The following DSP variants were observed in gnomAD, a reference collection of about 807,000 sequenced individuals.
DSP encodes the protein desmoplakin.
Under a neutral mutation model 290.6 loss-of-function variants are expected in DSP, and 114 were observed. The observed-to-expected ratio is 0.39, with a 90% CI of 0.34 to 0.46. DSP has a LOEUF of 0.46. DSP is among the 20% of genes least tolerant of loss of function. The pLI is 0.99. For synonymous variants in DSP, 1,311 were observed against 1,316.4 expected, an observed-to-expected ratio of 1.00 and a Z score of 0.09; for missense variants, 3,230 against 3,495.8, an observed-to-expected ratio of 0.92 and a Z score of 1.92.
At chr6:7,578,201 AAGAC>A (rs1759304632) in intron 21 of DSP, among the ~76,000 whole-genome samples, 1 of 152,252 alleles carries the variant, frequency 6.6e-6, no homozygotes, top group Non-Finnish European at 1.5e-5. Context: ...AAATTTCTAA[AAGAC>A]AGCCTCTTCT....
chr6:7,564,685 GTTC>G (rs1234035269), intron 6 of DSP, among the ~76,000 whole-genome samples: 1 of 152,136 alleles, frequency 6.6e-6, no homozygotes, highest in African/African-American at 2.4e-5. Flanking sequence ...TATTTGTAAT[GTTC>G]CCAACACACA....
chr6:7,554,731 A>G (rs1758454995), intron 1 of DSP, among the ~76,000 whole-genome samples: 1 of 152,198 alleles, frequency 6.6e-6, no homozygotes, highest in South Asian at 2.1e-4. Flanking sequence ...TGTAGCCTCC[A>G]ACTCGTGGGC....
At chr6:7,581,639 A>T (rs1213990577) in intron 23 of DSP, 70 bp downstream of exon 23, 58 of 1,593,192 alleles carry the variant, frequency 3.6e-5, no homozygotes, top group Non-Finnish European at 4.9e-5. Flanking sequence ...TCTCATCTGA[A>T]CTGTGCTCTT....
At chr6:7,561,452 G>T (rs2113663244) in intron 4 of DSP, among the ~76,000 whole-genome samples, 1 of 152,258 alleles carries the variant, frequency 6.6e-6, no homozygotes, top group Non-Finnish European at 1.5e-5. Flanking sequence ...GAGCTGCAGG[G>T]CCCAGCTGAT....
At position 7,585,524 on chromosome 6, in the gene DSP, G is replaced by T. The variant is rs187226788; in HGVS notation, c.8262G>T (p.Gly2754=). The T allele has an allele frequency of 4.3e-6, 7 of 1,614,074 alleles. No homozygotes were observed. The African/African-American group carries it at 5.3e-5, about 12-fold the overall frequency. Residue 2754 remains glycine, a synonymous_variant, in exon 24 of 24, where the codon GGG becomes GGT. Coordinates refer to ENST00000379802, the MANE Select transcript of DSP (RefSeq NM_004415.4). ...GCACCGAAGAAGCCATCCGGAAGGGGTTCATAGATGGCCGCGCCGCACAGA... is the reference window on the plus strand; with the variant it reads ...GCACCGAAGAAGCCATCCGGAAGGGTTTCATAGATGGCCGCGCCGCACAGA... ...RISTEEAIRK[G]FIDGRAAQRL...
Position 7,584,601 on chromosome 6 carries a change from A to G in DSP, c.7339A>G (p.Lys2447Glu), listed in dbSNP as rs1759567175. 2 of 1,614,030 alleles carry G rather than the reference A, an allele frequency of 1.2e-6. No homozygotes were observed. The highest frequency in any genetic ancestry group is 1.7e-6 in the Non-Finnish European group (2 of 1,179,926). Residue 2447 changes from lysine to glutamate, a missense_variant, in exon 24 of 24, where the codon AAA becomes GAA. By Grantham distance (56) the Lys-to-Glu change is moderately conservative (BLOSUM62 1). This residue lies in a region of DSP where 582 missense variants were observed against 555.4 expected (regional missense o/e 1.05). Coordinates refer to ENST00000379802, the MANE Select transcript of DSP (RefSeq NM_004415.4). The surrounding 1 kb of genome is among the most constrained non-coding windows in gnomAD (Gnocchi z 6.4). ...EETGLCLLPL[K>E]EKKKQVQTSQ... is the part of the protein sequence containing the mutation. The stretch of plus-strand genomic sequence containing the variant: ...AACAGGGCTCTGTCTTCTGCCTCTG[A>G]AAGAAAAGAAGAAACAGGTGCAGAC...
chr6:7,577,321 GTGTTTGTT>G (rs75247317), intron 20 of DSP, among the ~76,000 whole-genome samples: 2 of 151,830 alleles, frequency 1.3e-5, no homozygotes. Flanking sequence ...TTTAATAATG[GTGTTTGTT>G]TGTTTGTTTG....
rs528327406 is a variant in DSP at position 7,551,785 on chromosome 6, C to T, written c.171-3933C>T. Among the ~76,000 whole-genome samples, 8 of 152,308 alleles carry T rather than the reference C, an allele frequency of 5.3e-5. 1 individual carries two copies. The highest frequency in any genetic ancestry group is 4.1e-4 in the South Asian group (2 of 4,828). On this transcript the variant is annotated intron_variant, in intron 1 of 23. Coordinates refer to ENST00000379802, the MANE Select transcript of DSP (RefSeq NM_004415.4). ...GAACTTCCTCCCTGATTAAGTACAGCGAGTTCTGTGTGGATTCTTCATTGG... is the reference window on the plus strand; with the variant it reads ...GAACTTCCTCCCTGATTAAGTACAGTGAGTTCTGTGTGGATTCTTCATTGG...
In DSP at chr6:7,580,929, T is replaced by C; in HGVS notation, c.4739T>C (p.Leu1580Pro). 1 of 1,614,082 alleles carries C rather than the reference T, an allele frequency of 6.2e-7. No individual in the cohort carries two copies. The highest frequency in any genetic ancestry group is 1.3e-5 in the African/African-American group (1 of 75,024). The change falls in exon 23 of 24, where the codon CTG becomes CCG. Residue 1580 changes from leucine to proline, a missense_variant. Transcript: ENST00000379802. This position sits in a 1 kb window ranked among gnomAD's most constrained non-coding sequence, Gnocchi z 4.2. ...AAGGTGGAAGAGGAGCTGAATCGGC[T>C]GAAGAGGACCGCGTCAGAAGACTCC... ...KQKVEEELNR[L>P]KRTASEDSCK...
At chr6:7,542,890 A>C (rs2744389) in intron 1 of DSP, among the ~76,000 whole-genome samples, 26,693 of 149,732 alleles carry the variant, frequency 0.18, 2,553 homozygotes, top group Middle Eastern at 0.24. Context: ...CTTGGATCGC[A>C]GAGCGCCGGC....
rs1758605175 is a variant in DSP, at chr6:7,559,309, G to C, written c.506G>C (p.Gly169Ala). 6.2e-7 allele frequency: 1 copy of C among 1,613,986 alleles called. No homozygotes were observed. The highest frequency in any genetic ancestry group is 1.1e-5 in the South Asian group (1 of 91,068). The change falls in exon 4 of 24, where the codon GGT (glycine) becomes GCT (alanine). Residue 169 changes from glycine to alanine, a missense_variant. Around this residue, in one of 5 missense-constraint regions of DSP, gnomAD observed 646 missense variants for 684.3 expected, o/e 0.94. Transcript: ENST00000379802. ...PRVRRASSKG[G>A]GGYTCQSGSG... ...GTCCGCAGGGCCAGCTCCAAGGGTG[G>C]TGGAGGCTACACTTGTCAGAGTGGC...
intron 8 of DSP, 102 bp from the exon 9 acceptor site, chr6:7,567,252 A>G (rs1758889357): frequency 3.2e-6 from 3 of 940,420 alleles, no homozygotes; most frequent in Non-Finnish European, 5.2e-6. Flanking sequence ...AGAATGAGAT[A>G]AAAACTGCTT....
intron 1 of DSP, among the ~76,000 whole-genome samples, chr6:7,555,476 C>A (rs1758480295): frequency 6.6e-6 from 1 of 151,888 alleles, no homozygotes; most frequent in African/African-American, 2.4e-5. Context: ...GGTAGAAGGG[C>A]ATGGTTATTC....
At position 7,542,102 on chromosome 6, in the gene DSP, A is replaced by G. The variant is rs1172069097; in HGVS notation, c.170+17A>G. 4.5e-6 allele frequency: 7 copies of G among 1,553,562 alleles called. No homozygotes were observed. Among genetic ancestry groups the G allele is most frequent in the Non-Finnish European group, 6.1e-6 (7 of 1,148,736 alleles). ...CGGCTACTGGTGGGTACCTGCCCGG[A>G]GAGCGCGGGCTGCGGGGCTCGCGGG... On this transcript the variant is annotated intron_variant, in intron 1 of 23. Transcript: ENST00000379802.
In DSP at chr6:7,579,283, T is replaced by C. The variant is rs759450573; in HGVS notation, c.3093T>C (p.Asn1031=). Residue 1031 remains asparagine (N), a synonymous_variant, in exon 23 of 24, where the codon AAT becomes AAC. Coordinates refer to ENST00000379802, the MANE Select transcript of DSP (RefSeq NM_004415.4). The surrounding 1 kb of genome is among the most constrained non-coding windows in gnomAD (Gnocchi z 4.1). ...CTGATTTCATTCCACAGCTGAAAAA[T>C]ACCAAGATCGAAGTTTTGGAAGAGG... The part of the protein sequence containing the change: ...LKSLEDLKLK[N]TKIEVLEEEL... 9.9e-6 allele frequency: 16 copies of C among 1,613,916 alleles called. No homozygotes were observed. Among genetic ancestry groups the C allele is most frequent in the Non-Finnish European group, 1.3e-5 (15 of 1,180,006 alleles).
intron 15 of DSP, among the ~76,000 whole-genome samples, chr6:7,573,344 C>T (rs538318076): frequency 2.0e-5 from 3 of 151,962 alleles, no homozygotes; most frequent in Non-Finnish European, 4.4e-5. Context: ...TTTGGGAGGC[C>T]GAGGCGGGTG....
chr6:7,580,877 C>G lies in DSP; in HGVS notation c.4687C>G (p.Leu1563Val). The G allele has an allele frequency of 6.2e-7, 1 of 1,614,126 alleles. No individual in the cohort carries two copies. Among genetic ancestry groups the G allele is most frequent in the Non-Finnish European group, 8.5e-7 (1 of 1,180,032 alleles). Residue 1563 changes from leucine (L) to valine (V), a missense_variant, in exon 23 of 24, where the codon CTG (leucine) becomes GTG (valine). Coordinates refer to ENST00000379802, the MANE Select transcript of DSP (RefSeq NM_004415.4). This position sits in a 1 kb window ranked among gnomAD's most constrained non-coding sequence, Gnocchi z 4.2. ...GGATATCACGCGGTTCCAGAACTCT[C>G]TGAAAGAGCTGCAGCTGCAGAAGCA... The part of the protein sequence containing the change: ...DQDITRFQNS[L>V]KELQLQKQKV...
At chr6:7,554,125 A>ACACACACACACACACACACACACACCCC (rs772041102) in intron 1 of DSP, among the ~76,000 whole-genome samples, 11 of 144,516 alleles carry the variant, frequency 7.6e-5, no homozygotes, top group South Asian at 2.2e-4. Context: ...ACACACACAC[A>ACACACACACACACACACACACACACCCC]CCCAGTTGGT....
At position 7,585,698 on chromosome 6, in the gene DSP, C is replaced by T. The variant is rs1265123269; in HGVS notation, c.8436C>T (p.Gly2812=). Residue 2812 remains glycine (G), a synonymous_variant, in exon 24 of 24, where the codon GGC becomes GGT. Coordinates refer to ENST00000379802, the MANE Select transcript of DSP (RefSeq NM_004415.4). ...LLEAASVSSK[G]LPSPYNMSSA... ...AAGCCGCCTCCGTGTCGTCCAAGGG[C>T]TTACCCAGCCCTTACAACATGTCTT... 2 of 1,614,160 alleles carry T rather than the reference C, an allele frequency of 1.2e-6. No homozygotes were observed. Among genetic ancestry groups the T allele is most frequent in the East Asian group, 2.2e-5 (1 of 44,876 alleles).
Sources: allele counts gnomAD v4.1 joint callset (sites outside exome capture counted in the v4.1 genomes callset), GRCh38; gene constraint gnomAD v4.1.1; regional missense constraint gnomAD v4.1.1; non-coding constraint Gnocchi (gnomAD v3.1); transcripts MANE v1.5; gene names NCBI Gene and HGNC (gene_info 2026-07-23, HGNC 2026-07-21).